DNAH11: variants seen among roughly 807,000 people sequenced by gnomAD.
DNAH11 encodes the protein dynein axonemal heavy chain 11, also known as axonemal beta dynein heavy chain 11.
DNAH11 carries 442 observed loss-of-function variants against 526.0 expected under a neutral mutation model. The ratio of observed to expected loss-of-function variants is 0.84; its 90% CI spans 0.78 to 0.91. The LOEUF (loss-of-function observed/expected upper bound fraction) is 0.91. Among genes scored for constraint, DNAH11 ranks in the 40% least tolerant of loss-of-function variants. The pLI is 0.00. For missense variants in DNAH11, 6,989 were observed against 5,448.7 expected, an observed-to-expected ratio of 1.28 and a Z score of -8.90; for synonymous variants, 2,461 against 1,935.9, an observed-to-expected ratio of 1.27 and a Z score of -7.12.
chr7:21,860,866 T>G (rs1783036886), intron 68 of DNAH11, among the ~76,000 whole-genome samples: 1 of 152,188 alleles, frequency 6.6e-6, no homozygotes, highest in Non-Finnish European at 1.5e-5. Flanking sequence ...ACTTCTTACA[T>G]GGCAGCAGGC....
chr7:21,547,756 T>C (rs1326009026), intron 2 of DNAH11, among the ~76,000 whole-genome samples: 1 of 152,220 alleles, frequency 6.6e-6, no homozygotes, highest in East Asian at 1.9e-4. Flanking sequence ...GCCTTGAAAA[T>C]TGACCGTATA....
chr7:21,901,246 G>C lies in DNAH11; in HGVS notation c.13543G>C (p.Glu4515Gln), dbSNP rs1562614948. 1 of 1,604,426 alleles carries C rather than the reference G, an allele frequency of 6.2e-7. No homozygotes were observed. The highest frequency in any genetic ancestry group is 1.1e-5 in the South Asian group (1 of 89,374). ...WVLAGVALLL[E>Q]A The stretch of plus-strand genomic sequence containing the variant: ...TCTGGCTGGAGTGGCTCTGCTTCTA[G>C]AAGCGTAAGGTAACACTGGCATTCC... The change falls in exon 82 of 82, where the codon GAA (glutamate) becomes CAA (glutamine). Residue 4515 changes from glutamate (E) to glutamine (Q), a missense_variant. By Grantham distance (29) the Glu-to-Gln change is conservative. Coordinates refer to ENST00000409508, the MANE Select transcript of DNAH11 (RefSeq NM_001277115.2).
chr7:21,702,250 G>A (rs936820706), intron 36 of DNAH11, among the ~76,000 whole-genome samples: 1 of 152,130 alleles, frequency 6.6e-6, no homozygotes, highest in Non-Finnish European at 1.5e-5. Context: ...TGGCATCTAG[G>A]CAGAAGTATC....
At chr7:21,741,556 T>A (rs1785899350) in intron 48 of DNAH11, among the ~76,000 whole-genome samples, 1 of 152,242 alleles carries the variant, frequency 6.6e-6, no homozygotes, top group African/African-American at 2.4e-5. Context: ...TGATCTTGGC[T>A]GGGCTCATCT....
At chr7:21,638,778 T>C (rs544121630) in intron 27 of DNAH11, among the ~76,000 whole-genome samples, 161 bp from the exon 28 acceptor site, 1 of 151,412 alleles carries the variant, frequency 6.6e-6, no homozygotes, top group African/African-American at 2.4e-5. Flanking sequence ...ATATTAGTCA[T>C]AAGCAAGATA....
At chr7:21,891,850 T>C (rs753409930) in intron 76 of DNAH11, among the ~76,000 whole-genome samples, 31 of 152,308 alleles carry the variant, frequency 2.0e-4, no homozygotes, top group Middle Eastern at 3.4e-3. Flanking sequence ...ATGGTACTTA[T>C]ATACACACAC....
At chr7:21,805,202 A>G (rs778013888) in intron 62 of DNAH11, among the ~76,000 whole-genome samples, 17 of 151,938 alleles carry the variant, frequency 1.1e-4, no homozygotes, top group Admixed American at 2.6e-4. Flanking sequence ...ATGCATCTCT[A>G]TTTTCTCCAC....
At chr7:21,853,629 G>A (rs1782723463) in intron 67 of DNAH11, among the ~76,000 whole-genome samples, 1 of 152,150 alleles carries the variant, frequency 6.6e-6, no homozygotes. Context: ...GGAAAATACT[G>A]TATCCTATGG....
chr7:21,810,589 A>T (rs1040204286), intron 63 of DNAH11, among the ~76,000 whole-genome samples: 1 of 152,196 alleles, frequency 6.6e-6, no homozygotes, highest in Non-Finnish European at 1.5e-5. Context: ...ACAGGGGAGT[A>T]GATGGTAAGA....
intron 14 of DNAH11, among the ~76,000 whole-genome samples, chr7:21,592,217 G>C (rs1049554218): frequency 6.6e-6 from 1 of 152,218 alleles, no homozygotes; most frequent in Non-Finnish European, 1.5e-5. Flanking sequence ...AGATATGTCA[G>C]TTGTAATAGG....
chr7:21,896,288 G>T (rs1784513241), intron 79 of DNAH11, among the ~76,000 whole-genome samples: 2 of 152,082 alleles, frequency 1.3e-5, no homozygotes, highest in South Asian at 2.1e-4. Flanking sequence ...GAGGGTGGGG[G>T]TGTAAATCAT....
At chr7:21,619,870 G>T (rs1005863676) in intron 24 of DNAH11, 86 bp from the exon 25 acceptor site, 4 of 1,363,654 alleles carry the variant, frequency 2.9e-6, no homozygotes, top group Non-Finnish European at 4.0e-6. Context: ...ATTTTTGAAA[G>T]TTGAAAAAAA....
chr7:21,807,328 G>A (rs551326538), intron 62 of DNAH11, among the ~76,000 whole-genome samples: 14 of 152,154 alleles, frequency 9.2e-5, no homozygotes, highest in Middle Eastern at 3.4e-3. Flanking sequence ...GTGAAGCCCC[G>A]TCTCTACAAA....
At chr7:21,788,872 T>A (rs185645048) in intron 60 of DNAH11, among the ~76,000 whole-genome samples, 1 of 152,258 alleles carries the variant, frequency 6.6e-6, no homozygotes, top group African/African-American at 2.4e-5. Context: ...GTTTGACTTA[T>A]ATCGCATTTT....
intron 8 of DNAH11, among the ~76,000 whole-genome samples, chr7:21,575,883 A>G (rs895151487): frequency 1.3e-5 from 2 of 152,360 alleles, no homozygotes; most frequent in Admixed American, 6.5e-5. Flanking sequence ...AGCATTGCTC[A>G]TCTTAAAACA....
chr7:21,591,702 A>G (rs1784695207), intron 14 of DNAH11, 125 bp downstream of exon 14: 4 of 990,450 alleles, frequency 4.0e-6, no homozygotes, highest in Non-Finnish European at 5.5e-6. Context: ...GAATGGTATT[A>G]TTAGGCATTT....
intron 76 of DNAH11, among the ~76,000 whole-genome samples, chr7:21,886,668 C>CAGACAGTCCCTCCCG (rs1283653824): frequency 4.3e-5 from 1 of 23,378 alleles, no homozygotes; most frequent in Non-Finnish European, 2.3e-4. Context: ...AGGAGCTCCC[C>CAGACAGTCCCTCCCG]TAGCTCTGGC....
intron 74 of DNAH11, among the ~76,000 whole-genome samples, chr7:21,875,462 A>C (rs1449583212): frequency 6.6e-6 from 1 of 152,120 alleles, no homozygotes; most frequent in East Asian, 1.9e-4. Flanking sequence ...AATCTCATAA[A>C]ACTGTGGACA....
Position 21,874,165 on chromosome 7 carries a change from CTTG to C in DNAH11, c.12195+668_12195+670del, listed in dbSNP as rs568928884. Among the ~76,000 whole-genome samples, 159 of 152,186 alleles carry C rather than the reference CTTG, an allele frequency of 1.0e-3. 2 individuals carry two copies. Among genetic ancestry groups the C allele is most frequent in the African/African-American group, 3.7e-3 (152 of 41,500 alleles). On this transcript the variant is annotated intron_variant, in intron 74 of 81. Transcript: ENST00000409508. ...AGAAAGAGAAGAAGCCATTGTTATTCTTGTTGATGATGGCGACAGTAATGACAT... is the reference window on the plus strand; with the variant it reads ...AGAAAGAGAAGAAGCCATTGTTATTCTTGATGATGGCGACAGTAATGACAT...
Sources: gnomAD v4.1 joint callset for allele counts (sites outside exome capture counted in the v4.1 genomes callset) on GRCh38, gnomAD v4.1.1 for gene constraint, MANE v1.5 for transcripts, NCBI Gene and HGNC (gene_info 2026-07-23, HGNC 2026-07-21) for gene names.